ASPH: variants seen among roughly 807,000 people sequenced by gnomAD.
The protein encoded by ASPH is aspartyl/asparaginyl beta-hydroxylase.
ASPH carries 100 observed loss-of-function variants against 118.4 expected under a neutral mutation model. That is an observed-to-expected ratio of 0.84 (90% CI 0.72 to 1.00). ASPH has a LOEUF of 1.00. ASPH is among the 50% of genes least tolerant of loss of function. The probability of loss-of-function intolerance (pLI) is 0.00; values close to 1 mark genes in which losing one functional copy is unlikely to be tolerated. For synonymous variants in ASPH, 315 were observed against 325.6 expected, an observed-to-expected ratio of 0.97 and a Z score of 0.35; for missense variants, 920 against 919.5, an observed-to-expected ratio of 1.00 and a Z score of -0.01.
chr8:61,511,336 C>T (rs928925742), intron 24 of ASPH, among the ~76,000 whole-genome samples: 1 of 152,176 alleles, frequency 6.6e-6, no homozygotes, highest in African/African-American at 2.4e-5. Context: ...GACAACCTAT[C>T]AGTCTTGTTC....
At chr8:61,710,245 G>A (rs1007282524) in intron 1 of ASPH, among the ~76,000 whole-genome samples, 4 of 152,170 alleles carry the variant, frequency 2.6e-5, no homozygotes, top group African/African-American at 9.7e-5. Context: ...TTCTTACACA[G>A]ATATGATCCA....
intron 21 of ASPH, among the ~76,000 whole-genome samples, chr8:61,540,068 T>C (rs1159599181): frequency 5.9e-5 from 9 of 152,208 alleles, no homozygotes; most frequent in Non-Finnish European, 1.5e-5. Context: ...TACTCAATTT[T>C]AAGGAAAATA....
chr8:61,711,046 T>C (rs534973485), intron 1 of ASPH, among the ~76,000 whole-genome samples: 1 of 151,470 alleles, frequency 6.6e-6, no homozygotes, highest in African/African-American at 2.4e-5. Context: ...TAAGTGCTTA[T>C]CTATCAATAG....
intron 21 of ASPH, among the ~76,000 whole-genome samples, chr8:61,538,716 T>C (rs1291469138): frequency 2.0e-5 from 3 of 152,206 alleles, no homozygotes; most frequent in African/African-American, 7.2e-5. Flanking sequence ...CAATGCACTA[T>C]GTCACATCAC....
intron 13 of ASPH, chr8:61,626,242 C>T: frequency 1.3e-6 from 2 of 1,545,960 alleles, no homozygotes; most frequent in Non-Finnish European, 1.7e-6. Flanking sequence ...GCTGGTCCTC[C>T]TGTGGTGGTA....
chr8:61,580,165 T>G (rs1196955967), intron 15 of ASPH, among the ~76,000 whole-genome samples: 1 of 152,170 alleles, frequency 6.6e-6, no homozygotes, highest in Non-Finnish European at 1.5e-5. Context: ...CTTAGGTATC[T>G]GCGGCTTTTC....
intron 14 of ASPH, chr8:61,606,632 T>C (rs550726599): frequency 1.3e-5 from 2 of 152,304 alleles, no homozygotes; most frequent in East Asian, 3.9e-4. Context: ...TTCATTAAAT[T>C]ATCATGAAGC....
intron 1 of ASPH, chr8:61,689,879 GT>G: frequency 7.6e-7 from 1 of 1,312,496 alleles, no homozygotes; most frequent in South Asian, 2.2e-5. Context: ...CTGCTCACCA[GT>G]TATTTTTAGA....
At chr8:61,526,446 T>A (rs541380175) in intron 21 of ASPH, among the ~76,000 whole-genome samples, 25 of 152,266 alleles carry the variant, frequency 1.6e-4, no homozygotes, top group African/African-American at 5.3e-4. Flanking sequence ...TCAGATTACA[T>A]CAGTACACTG....
At chr8:61,515,746 A>G (rs572820170) in intron 24 of ASPH, among the ~76,000 whole-genome samples, 1 of 152,252 alleles carries the variant, frequency 6.6e-6, no homozygotes, top group East Asian at 1.9e-4. Context: ...GGTTTGCTCA[A>G]GCATCGCCAC....
Position 61,602,605 on chromosome 8 carries a change from C to G in ASPH, c.976+16373G>C, listed in dbSNP as rs1031163288. ...TTACTGGAGGTTCCAGCCACTGAAT[C>G]TGGGAAATGTAAACTAATGCGTAGG... is the stretch of plus-strand genomic sequence containing the variant. On this transcript the variant is annotated intron_variant, in intron 14 of 24. Transcript: ENST00000379454. Among the ~76,000 whole-genome samples, 3 of 151,252 alleles carry G rather than the reference C, an allele frequency of 2.0e-5. 1 individual carries two copies. Among genetic ancestry groups the G allele is most frequent in the African/African-American group, 7.4e-5 (3 of 40,600 alleles).
intron 14 of ASPH, chr8:61,607,388 G>A (rs1287768157): frequency 3.2e-6 from 2 of 629,424 alleles, no homozygotes; most frequent in African/African-American, 3.7e-5. Context: ...CATACACGCT[G>A]ACTTTTAAAA....
At chr8:61,614,158 G>A (rs1588107592) in intron 14 of ASPH, among the ~76,000 whole-genome samples, 1 of 152,076 alleles carries the variant, frequency 6.6e-6, no homozygotes, top group African/African-American at 2.4e-5. Flanking sequence ...TAGTACCCAG[G>A]AAATCTTTAA....
intron 24 of ASPH, among the ~76,000 whole-genome samples, chr8:61,510,864 C>T (rs948656538): frequency 1.4e-4 from 22 of 152,138 alleles, no homozygotes; most frequent in Non-Finnish European, 2.2e-4. Context: ...TAAGGTCACA[C>T]TGCAATGCAG....
chr8:61,504,453 A>G (rs1805650777), intron 24 of ASPH, among the ~76,000 whole-genome samples: 1 of 152,212 alleles, frequency 6.6e-6, no homozygotes, highest in African/African-American at 2.4e-5. Context: ...ATTTCAAGTT[A>G]CTATATTATC....
At chr8:61,625,063 A>G in intron 13 of ASPH, 1 of 985,790 alleles carries the variant, frequency 1.0e-6, no homozygotes. Flanking sequence ...TCTTAATGTT[A>G]ACAAAATCAA....
chr8:61,533,495 T>C (rs1019265726), intron 21 of ASPH, among the ~76,000 whole-genome samples: 1 of 152,232 alleles, frequency 6.6e-6, no homozygotes, highest in African/African-American at 2.4e-5. Flanking sequence ...AAAAATCTCC[T>C]TAATGTTTCG....
At chr8:61,634,238 T>C (rs917995383) in intron 12 of ASPH, among the ~76,000 whole-genome samples, 3 of 152,194 alleles carry the variant, frequency 2.0e-5, no homozygotes, top group East Asian at 1.9e-4. Context: ...ATTAAAGAGA[T>C]GGTAGATGTC....
intron 24 of ASPH, among the ~76,000 whole-genome samples, chr8:61,503,734 C>CA (rs1403336719): frequency 6.6e-6 from 1 of 152,208 alleles, no homozygotes; most frequent in Non-Finnish European, 1.5e-5. Context: ...TGGAGATGTA[C>CA]AAACAACAGA....
Sources: allele counts gnomAD v4.1 joint callset (sites outside exome capture counted in the v4.1 genomes callset), GRCh38; gene constraint gnomAD v4.1.1; transcripts MANE v1.5; gene names NCBI Gene and HGNC (gene_info 2026-07-23, HGNC 2026-07-21).